Variants in ZNF74 observed in about 807,000 individuals in gnomAD.
ZNF74 encodes the protein zinc finger protein 520.
ZNF74 carries 12 observed loss-of-function variants against 17.7 expected under a neutral mutation model. That is an observed-to-expected ratio of 0.68 (90% CI 0.43 to 1.10). The LOEUF is 1.10. ZNF74 is among the 50% of genes least tolerant of loss of function. ZNF74 has a pLI of 0.00. For missense variants in ZNF74, 811 were observed against 881.0 expected (o/e 0.92, Z 1.01); for synonymous variants, 358 against 362.1 (o/e 0.99, Z 0.13).
intron 3 of ZNF74, 41 bp downstream of exon 3, chr22:20,400,799 C>T (rs2052348983): frequency 6.2e-7 from 1 of 1,606,310 alleles, no homozygotes; most frequent in Middle Eastern, 1.7e-4. Flanking sequence ...CGGCTGTCAG[C>T]CTTCTTCTAC....
At position 20,407,126 on chromosome 22, in the gene ZNF74, G is replaced by A. The variant is rs1405745631; in HGVS notation, c.*158G>A. On this transcript the variant is annotated 3_prime_UTR_variant, in exon 5 of 5. Coordinates refer to ENST00000400451, the MANE Select transcript of ZNF74 (RefSeq NM_003426.4). The stretch of plus-strand genomic sequence containing the variant: ...TCTGCATGCCAGGGTGCCTCCTCTA[G>A]TTAAAGTCAGTCACCTCCCCAGAAG... 3 of 1,196,930 alleles carry A rather than the reference G, an allele frequency of 2.5e-6. No individual in the cohort carries two copies. In the African/African-American group the frequency reaches 4.6e-5, roughly 18 times the overall value. The allele number at this position is 1,196,930 out of a possible 1,614,324, so 74.1% of individuals were successfully genotyped here.
intron 1 of ZNF74, 175 bp from the exon 2 acceptor site, chr22:20,395,158 C>T: frequency 3.5e-6 from 2 of 570,278 alleles, no homozygotes; most frequent in Non-Finnish European, 6.3e-6. Flanking sequence ...GAGACACAGG[C>T]AGATTATTCC....
chr22:20,401,232 C>T lies in ZNF74; in HGVS notation c.248-45C>T. 1 of 1,384,610 alleles carries T rather than the reference C, an allele frequency of 7.2e-7. No homozygotes were observed. The allele number at this position is 1,384,610 out of a possible 1,614,324, so 85.8% of individuals were successfully genotyped here. ...GGGCGGCCTGTAAGGTCGACTGGGC[C>T]TGGAGAGCTGCAGCATGCCCAGCCC... On this transcript the variant is annotated intron_variant, in intron 3 of 4. Transcript: ENST00000400451. The surrounding 1 kb of genome is among the most constrained non-coding windows in gnomAD (Gnocchi z 4.2).
chr22:20,396,144 G>T (rs1352599867), intron 2 of ZNF74, among the ~76,000 whole-genome samples: 1 of 151,016 alleles, frequency 6.6e-6, no homozygotes. Context: ...AAGATGTGGA[G>T]GAATAAGGGG....
In ZNF74 at chr22:20,401,043, C is replaced by CT. The variant is rs2052351574; in HGVS notation, c.248-233dup. On this transcript the variant is annotated intron_variant, in intron 3 of 4. Coordinates refer to ENST00000400451, the MANE Select transcript of ZNF74 (RefSeq NM_003426.4). The surrounding 1 kb of genome is among the most constrained non-coding windows in gnomAD (Gnocchi z 4.2). ...GTGGGACCCTGGAGCCCAGCTGGCTCTGGAACAGTCCTCAAGCAATGAAGT... is the reference window on the plus strand; with the variant it reads ...GTGGGACCCTGGAGCCCAGCTGGCTCTTGGAACAGTCCTCAAGCAATGAAGT... The CT allele has an allele frequency of 2.0e-5, 12 of 593,992 alleles. No homozygotes were observed. Among genetic ancestry groups the CT allele is most frequent in the Non-Finnish European group, 3.3e-5 (11 of 334,902 alleles). 36.8% of individuals were successfully genotyped at this position (593,992 alleles called of 1,614,324 possible).
rs768060455 is a variant in ZNF74, at chr22:20,400,754, C to T, written c.243C>T (p.Ala81=). The part of the protein sequence containing the change: ...VMLENYQNLL[A]LGPPLHKPDV... ...TGGAGAACTACCAGAACCTTCTTGCCCTAGGTAAAATCCCCCCAGCCCCAG... is the reference window on the plus strand; with the variant it reads ...TGGAGAACTACCAGAACCTTCTTGCTCTAGGTAAAATCCCCCCAGCCCCAG... The change falls in exon 3 of 5, where the codon GCC becomes GCT. Residue 81 remains alanine (A), a synonymous_variant. Transcript: ENST00000400451. 6.2e-7 allele frequency: 1 copy of T among 1,613,988 alleles called. No homozygotes were observed. The highest frequency in any genetic ancestry group is 8.5e-7 in the Non-Finnish European group (1 of 1,179,948).
intron 4 of ZNF74, among the ~76,000 whole-genome samples, chr22:20,402,716 G>A (rs1187957163): frequency 3.3e-5 from 5 of 150,992 alleles, no homozygotes; most frequent in Admixed American, 6.6e-5. Context: ...CAGGAGAATC[G>A]CTTGAACCCA....
At chr22:20,404,706 C>T (rs1329169473) in intron 4 of ZNF74, among the ~76,000 whole-genome samples, 3 of 152,144 alleles carry the variant, frequency 2.0e-5, no homozygotes, top group African/African-American at 7.2e-5. Flanking sequence ...GGTTTGCATG[C>T]GTCTCGAGAC....
Position 20,400,618 on chromosome 22 carries a change from A to G in ZNF74, c.121-14A>G. 5 of 1,613,946 alleles carry G rather than the reference A, an allele frequency of 3.1e-6. No individual in the cohort carries two copies. Among genetic ancestry groups the G allele is most frequent in the Non-Finnish European group, 4.2e-6 (5 of 1,179,946 alleles). On this transcript the variant is annotated splice_polypyrimidine_tract_variant and intron_variant, in intron 2 of 4. Coordinates refer to ENST00000400451, the MANE Select transcript of ZNF74 (RefSeq NM_003426.4). Reference sequence around the variant, plus strand: ...CAGAATCAGTCCTGGGTGAGAACCTATATGTCATTTCAGGAATCGGTGAGT... The same window carrying G: ...CAGAATCAGTCCTGGGTGAGAACCTGTATGTCATTTCAGGAATCGGTGAGT...
At position 20,407,704 on chromosome 22, in the gene ZNF74, A is replaced by T. The variant is rs184187818; in HGVS notation, c.*736A>T. On this transcript the variant is annotated 3_prime_UTR_variant, in exon 5 of 5. Transcript: ENST00000400451. ...GCATCACTTTCCAGTGAACATTATT[A>T]TATTGCTAGAGAGGAGAATAATCTT... is the stretch of plus-strand genomic sequence containing the variant. The T allele has an allele frequency of 6.6e-6, 1 of 152,372 alleles. No homozygotes were observed. The highest frequency in any genetic ancestry group is 1.9e-4 in the East Asian group (1 of 5,190). The allele number at this position is 152,372 out of a possible 1,614,324, so 9.4% of individuals were successfully genotyped here. A position where few individuals can be genotyped will look rare whatever the true frequency, so the allele number is the denominator to read the frequency against.
At chr22:20,400,463 C>A in intron 2 of ZNF74, 169 bp from the exon 3 acceptor site, 1 of 719,138 alleles carries the variant, frequency 1.4e-6, no homozygotes, top group Non-Finnish European at 2.4e-6. Context: ...CCTCCCTGCC[C>A]CTGGTCCCCG....
rs144886113 is a variant in ZNF74, at chr22:20,400,582, A to G, written c.121-50A>G. The G allele has an allele frequency of 2.5e-6, 4 of 1,613,062 alleles. No homozygotes were observed. The African/African-American group carries it at 5.3e-5, about 22-fold the overall frequency. Reference sequence around the variant, plus strand: ...CTTAATCAATCTCTGGCTCCTTTGGAACCATGGACACAGAATCAGTCCTGG... The same window carrying G: ...CTTAATCAATCTCTGGCTCCTTTGGGACCATGGACACAGAATCAGTCCTGG... On this transcript the variant is annotated intron_variant, in intron 2 of 4. Transcript: ENST00000400451.
In ZNF74 at chr22:20,406,273, A is replaced by C; in HGVS notation, c.1240A>C (p.Lys414Gln). The C allele has an allele frequency of 6.2e-7, 1 of 1,610,828 alleles. No individual in the cohort carries two copies. Among genetic ancestry groups the C allele is most frequent in the Non-Finnish European group, 8.5e-7 (1 of 1,179,622 alleles). The change falls in exon 5 of 5, where the codon AAG becomes CAG. Residue 414 changes from lysine to glutamine, a missense_variant. Lys to Gln is a moderately conservative substitution (Grantham distance 53). Transcript: ENST00000400451. Reference protein sequence around the residue: ...TVHEKIHSGDKPFKCSDCEKA... With the variant: ...TVHEKIHSGDQPFKCSDCEKA... ...GCATGAGAAGATCCACAGCGGGGAC[A>C]AGCCGTTCAAGTGCAGCGACTGCGA...
Position 20,405,781 on chromosome 22 carries a change from T to C in ZNF74, c.748T>C (p.Cys250Arg), listed in dbSNP as rs2052412398. 6.2e-7 allele frequency: 1 copy of C among 1,610,586 alleles called. No homozygotes were observed. Among genetic ancestry groups the C allele is most frequent in the African/African-American group, 1.3e-5 (1 of 75,002 alleles). The part of the protein sequence containing the change: ...GAGAGEGEFV[C>R]GECGKAFRQS... ...GGGCGCCGGGGAGGGCGAGTTCGTG[T>C]GCGGCGAGTGCGGGAAGGCGTTCCG... The change falls in exon 5 of 5, where the codon TGC becomes CGC. Residue 250 changes from cysteine (C) to arginine (R), a missense_variant. Cys to Arg is a radical substitution (Grantham distance 180, BLOSUM62 -3). Coordinates refer to ENST00000400451, the MANE Select transcript of ZNF74 (RefSeq NM_003426.4).
chr22:20,400,616 CTA>C lies in ZNF74; in HGVS notation c.121-12_121-11del, dbSNP rs1414035325. ...CACAGAATCAGTCCTGGGTGAGAACCTATATGTCATTTCAGGAATCGGTGAGT... is the reference window on the plus strand; with the variant it reads ...CACAGAATCAGTCCTGGGTGAGAACCTATGTCATTTCAGGAATCGGTGAGT... On this transcript the variant is annotated splice_polypyrimidine_tract_variant and intron_variant, in intron 2 of 4. Transcript: ENST00000400451. The C allele has an allele frequency of 6.2e-7, 1 of 1,614,048 alleles. No homozygotes were observed. Among genetic ancestry groups the C allele is most frequent in the East Asian group, 2.2e-5 (1 of 44,864 alleles).
In ZNF74 at chr22:20,401,177, G is replaced by A. The variant is rs1276048280; in HGVS notation, c.248-100G>A. The A allele has an allele frequency of 9.4e-6, 7 of 741,448 alleles. No individual in the cohort carries two copies. Among genetic ancestry groups the A allele is most frequent in the East Asian group, 5.4e-5 (2 of 36,906 alleles). 45.9% of individuals were successfully genotyped at this position (741,448 alleles called of 1,614,324 possible). On this transcript the variant is annotated intron_variant, in intron 3 of 4. Transcript: ENST00000400451. This position sits in a 1 kb window ranked among gnomAD's most constrained non-coding sequence, Gnocchi z 4.2. ...AGGACCTCCTGTTCCCAGAGAGGGT[G>A]TCCACTTCACAGGCATTGTCCTTGT... is the stretch of plus-strand genomic sequence containing the variant.
chr22:20,399,318 T>C (rs1015471976), intron 2 of ZNF74, among the ~76,000 whole-genome samples: 8 of 152,168 alleles, frequency 5.3e-5, no homozygotes, highest in African/African-American at 1.9e-4. Flanking sequence ...TATGTAATAT[T>C]CTCTTTGTCT....
rs774656137 is a variant in ZNF74 at position 20,405,458 on chromosome 22, C to G, written c.425C>G (p.Pro142Arg). The stretch of plus-strand genomic sequence containing the variant: ...GCCCAGGAGCCCATCATGGAGCGGC[C>G]CCTCGGCGGGGCGCAGGCGTGGGGG... ...EPAQEPIMER[P>R]LGGAQAWGRQ... Residue 142 changes from proline to arginine, a missense_variant, in exon 5 of 5, where the codon CCC becomes CGC. By Grantham distance (103) the Pro-to-Arg change is moderately radical (BLOSUM62 -2). Around this residue, in one of 3 missense-constraint regions of ZNF74, gnomAD observed 666 missense variants for 702.3 expected, o/e 0.95. Coordinates refer to ENST00000400451, the MANE Select transcript of ZNF74 (RefSeq NM_003426.4). The G allele has an allele frequency of 1.2e-6, 2 of 1,612,828 alleles. No individual in the cohort carries two copies. The highest frequency in any genetic ancestry group is 1.7e-6 in the Non-Finnish European group (2 of 1,179,690).
rs1163390479 is a variant in ZNF74 at position 20,394,408 on chromosome 22, G to T, written c.-221G>T. ...CCGAGCATGGGGCTGAGCCTGGTGT[G>T]GGGAGTGGGTATCTGCGGAGCCGGC... On this transcript the variant is annotated 5_prime_UTR_variant, in exon 1 of 5. Coordinates refer to ENST00000400451, the MANE Select transcript of ZNF74 (RefSeq NM_003426.4). 4.7e-6 allele frequency: 3 copies of T among 644,738 alleles called. No individual in the cohort carries two copies. The highest frequency in any genetic ancestry group is 8.5e-6 in the Non-Finnish European group (3 of 353,926). The allele number at this position is 644,738 out of a possible 1,614,324, so 39.9% of individuals were successfully genotyped here. A position where few individuals can be genotyped will look rare whatever the true frequency, so the allele number is the denominator to read the frequency against.
Sources: allele counts gnomAD v4.1 joint callset (sites outside exome capture counted in the v4.1 genomes callset), GRCh38; gene constraint gnomAD v4.1.1; regional missense constraint gnomAD v4.1.1; non-coding constraint Gnocchi (gnomAD v3.1); transcripts MANE v1.5; gene names NCBI Gene and HGNC (gene_info 2026-07-23, HGNC 2026-07-21).